The following XPO1 variants were observed in gnomAD, a reference collection of about 807,000 sequenced individuals.
The protein encoded by XPO1 is exportin-1.
A neutral mutation model predicts 133.3 loss-of-function variants in XPO1; 5 were observed. That is an observed-to-expected ratio of 0.04 (90% CI 0.02 to 0.08). The LOEUF is 0.08. Ranked by LOEUF, XPO1 falls within the 10% of genes least tolerant of loss-of-function variation. The pLI is 1.00. For synonymous variants in XPO1, 419 were observed against 408.2 expected (o/e 1.03, Z -0.32); for missense variants, 506 against 1,267.5 (o/e 0.40, Z 9.12).
At chr2:61,482,034 C>CTTTTTTTTTTTTTTTTTTTTTTTTT (rs1195049382) in intron 23 of XPO1, among the ~76,000 whole-genome samples, 2 of 71,368 alleles carry the variant, frequency 2.8e-5, no homozygotes, top group Non-Finnish European at 5.3e-5. Flanking sequence ...CGTGCGTGGC[C>CTTTTTTTTTTTTTTTTTTTTTTTTT]TTTTTTTTTT....
chr2:61,497,435 T>A (rs1697294755), intron 9 of XPO1, among the ~76,000 whole-genome samples: 1 of 152,098 alleles, frequency 6.6e-6, no homozygotes, highest in African/African-American at 2.4e-5. Flanking sequence ...CTGGTCTCGA[T>A]CTCCTGACCT....
intron 4 of XPO1, among the ~76,000 whole-genome samples, chr2:61,503,341 G>A (rs563887943): frequency 5.3e-5 from 8 of 151,586 alleles, no homozygotes; most frequent in East Asian, 1.9e-4. Flanking sequence ...TGCAACCTCC[G>A]CCTCCACCTC....
At position 61,537,542 on chromosome 2, in the gene XPO1, C is replaced by G. The variant is rs1211782567; in HGVS notation, c.-7+20G>C. 6.7e-6 allele frequency: 1 copy of G among 150,312 alleles called. No individual in the cohort carries two copies. The highest frequency in any genetic ancestry group is 6.6e-5 in the Admixed American group (1 of 15,066). 9.3% of individuals were successfully genotyped at this position (150,312 alleles called of 1,614,324 possible). A position where few individuals can be genotyped will look rare whatever the true frequency, so the allele number is the denominator to read the frequency against. ...CGCGCCGCCGCCCGACCCTCGGCCC[C>G]GAAGACACAGTCGACTTACCCAGAG... is the stretch of plus-strand genomic sequence containing the variant. On this transcript the variant is annotated intron_variant, in intron 1 of 24. Coordinates refer to ENST00000401558, the MANE Select transcript of XPO1 (RefSeq NM_003400.4).
intron 23 of XPO1, among the ~76,000 whole-genome samples, chr2:61,482,034 C>CTTTTTTTTT (rs1195049382): frequency 2.4e-4 from 17 of 71,386 alleles, no homozygotes; most frequent in East Asian, 5.7e-4. Context: ...CGTGCGTGGC[C>CTTTTTTTTT]TTTTTTTTTT....
chr2:61,522,320 G>A (rs1698733229), intron 4 of XPO1, among the ~76,000 whole-genome samples: 1 of 152,114 alleles, frequency 6.6e-6, no homozygotes, highest in Non-Finnish European at 1.5e-5. Context: ...GCCTCCTGAA[G>A]TGTTAGGATT....
chr2:61,489,441 C>G (rs897381933), intron 17 of XPO1, among the ~76,000 whole-genome samples: 7 of 151,592 alleles, frequency 4.6e-5, no homozygotes, highest in African/African-American at 1.2e-4. Context: ...ACATAATTAC[C>G]AAAGCAAAAG....
chr2:61,516,873 T>C (rs955890575), intron 4 of XPO1, among the ~76,000 whole-genome samples: 7 of 152,202 alleles, frequency 4.6e-5, no homozygotes, highest in Non-Finnish European at 8.8e-5. Flanking sequence ...TTTTTTTTAT[T>C]TGAATTATCT....
In XPO1 at chr2:61,495,447, TA is replaced by T. The variant is rs769977755; in HGVS notation, c.1047+7del. ...GAATTTTAGGAGCAAAAGCTCCACATATCTTACCTCCATAAGAGTTTCCCTG... is the reference window on the plus strand; with the variant it reads ...GAATTTTAGGAGCAAAAGCTCCACATTCTTACCTCCATAAGAGTTTCCCTG... On this transcript the variant is annotated splice_region_variant and intron_variant, in intron 11 of 24. Coordinates refer to ENST00000401558, the MANE Select transcript of XPO1 (RefSeq NM_003400.4). 29 of 1,535,644 alleles carry T rather than the reference TA, an allele frequency of 1.9e-5. No homozygotes were observed. Among genetic ancestry groups the T allele is most frequent in the Non-Finnish European group, 2.6e-5 (29 of 1,136,716 alleles).
chr2:61,535,928 G>A (rs973677924), intron 1 of XPO1, among the ~76,000 whole-genome samples: 2 of 152,160 alleles, frequency 1.3e-5, no homozygotes, highest in African/African-American at 4.8e-5. Flanking sequence ...AGGCTTAAAA[G>A]CAATGTCCAC....
chr2:61,520,351 A>T (rs1353941591), intron 4 of XPO1, among the ~76,000 whole-genome samples: 4 of 152,238 alleles, frequency 2.6e-5, no homozygotes, highest in African/African-American at 9.6e-5. Flanking sequence ...TAAAATTAAA[A>T]AGGTAATCAT....
chr2:61,526,105 A>C (rs1446496509), intron 3 of XPO1: 1 of 1,139,662 alleles, frequency 8.8e-7, no homozygotes, highest in Non-Finnish European at 1.1e-6. Context: ...ATAATTCCTT[A>C]ATGTTATGTT....
chr2:61,515,900 G>C (rs1301808764), intron 4 of XPO1, among the ~76,000 whole-genome samples: 2 of 143,730 alleles, frequency 1.4e-5, no homozygotes, highest in South Asian at 2.2e-4. Flanking sequence ...TGGCTAACAC[G>C]GTGAAACCCC....
intron 24 of XPO1, among the ~76,000 whole-genome samples, chr2:61,479,236 G>C (rs938556380): frequency 2.0e-5 from 3 of 152,098 alleles, no homozygotes; most frequent in Admixed American, 6.6e-5. Flanking sequence ...AGGCAGAGAC[G>C]GGAAGAATAC....
At chr2:61,499,155 T>A (rs1165974394) in intron 7 of XPO1, among the ~76,000 whole-genome samples, 1 of 152,234 alleles carries the variant, frequency 6.6e-6, no homozygotes, top group Non-Finnish European at 1.5e-5. Context: ...CTATAGTTTA[T>A]ACCAGTTGCT....
intron 4 of XPO1, among the ~76,000 whole-genome samples, chr2:61,504,292 C>G (rs1697688722): frequency 6.6e-6 from 1 of 152,144 alleles, no homozygotes; most frequent in South Asian, 2.1e-4. Flanking sequence ...ATTTGCTGAG[C>G]ATCTACTATA....
intron 4 of XPO1, among the ~76,000 whole-genome samples, chr2:61,511,825 C>T (rs1027450713): frequency 2.6e-5 from 4 of 152,092 alleles, no homozygotes; most frequent in Non-Finnish European, 4.4e-5. Flanking sequence ...GTGGCATGAT[C>T]ACAGCTCACT....
At chr2:61,488,338 A>G (rs1696794694) in intron 18 of XPO1, 67 bp from the exon 19 acceptor site, 1 of 1,401,362 alleles carries the variant, frequency 7.1e-7, no homozygotes, top group Non-Finnish European at 9.9e-7. Context: ...TCAGGTGTAC[A>G]TTAGATGCAA....
chr2:61,478,996 G>A (rs762415919), intron 24 of XPO1, 30 bp from the exon 25 acceptor site: 17 of 1,594,140 alleles, frequency 1.1e-5, no homozygotes, highest in East Asian at 2.2e-5. Flanking sequence ...AAATGTCAAC[G>A]CAATAAACTT....
intron 10 of XPO1, 97 bp downstream of exon 10, chr2:61,496,782 A>T: frequency 7.9e-7 from 1 of 1,263,948 alleles, no homozygotes; most frequent in Non-Finnish European, 1.0e-6. Flanking sequence ...ATTATGGCTT[A>T]TCTTTGATAC....
Sources: gnomAD v4.1 joint callset for allele counts (sites outside exome capture counted in the v4.1 genomes callset) on GRCh38, gnomAD v4.1.1 for gene constraint, MANE v1.5 for transcripts, NCBI Gene and HGNC (gene_info 2026-07-23, HGNC 2026-07-21) for gene names.